GLCCI1: variants seen among roughly 807,000 people sequenced by gnomAD.
GLCCI1 encodes the protein glucocorticoid-induced transcript 1 protein.
Under a neutral mutation model 52.2 loss-of-function variants are expected in GLCCI1, and 24 were observed. That is an observed-to-expected ratio of 0.46 (90% CI 0.33 to 0.65). GLCCI1 has a LOEUF of 0.65. Ranked by LOEUF, GLCCI1 falls within the 30% of genes least tolerant of loss-of-function variation. GLCCI1 has a pLI of 0.02. For synonymous variants in GLCCI1, 310 were observed against 276.5 expected, an observed-to-expected ratio of 1.12 and a Z score of -1.20; for missense variants, 704 against 701.5, an observed-to-expected ratio of 1.00 and a Z score of -0.04.
intron 6 of GLCCI1, among the ~76,000 whole-genome samples, chr7:8,075,120 C>T (rs1398587857): frequency 6.6e-6 from 1 of 152,134 alleles, no homozygotes; most frequent in Non-Finnish European, 1.5e-5. Flanking sequence ...TAATTTGAGA[C>T]CTATAAAATA....
At chr7:7,972,522 G>C (rs1319543983) in intron 1 of GLCCI1, among the ~76,000 whole-genome samples, 1 of 152,106 alleles carries the variant, frequency 6.6e-6, no homozygotes, top group Non-Finnish European at 1.5e-5. Flanking sequence ...CATTTCATCT[G>C]GAGTGATGAT....
chr7:8,070,085 G>A (rs1174958542), intron 5 of GLCCI1: 2 of 152,244 alleles, frequency 1.3e-5, no homozygotes, highest in African/African-American at 4.8e-5. Context: ...GTCCACTGCA[G>A]CAGAATCTCT....
chr7:8,036,833 G>C (rs770513849), intron 3 of GLCCI1, among the ~76,000 whole-genome samples: 1 of 152,116 alleles, frequency 6.6e-6, no homozygotes, highest in South Asian at 2.1e-4. Context: ...GGTCCTGCAA[G>C]TTAATCCAGC....
intron 1 of GLCCI1, chr7:7,970,607 C>T (rs1780330552): frequency 6.6e-6 from 1 of 152,566 alleles, no homozygotes; most frequent in Non-Finnish European, 1.5e-5. Flanking sequence ...TCTCAAGTTT[C>T]TTTTTTTGTT....
intron 6 of GLCCI1, among the ~76,000 whole-genome samples, chr7:8,074,120 A>G (rs1476396168): frequency 6.6e-6 from 1 of 152,204 alleles, no homozygotes; most frequent in African/African-American, 2.4e-5. Context: ...CATTTATTGT[A>G]TGTCAGATAT....
chr7:7,969,379 C>G lies in GLCCI1; in HGVS notation c.29C>G (p.Ser10Cys), dbSNP rs1428505146. 8 of 1,482,938 alleles carry G rather than the reference C, an allele frequency of 5.4e-6. No homozygotes were observed. Among genetic ancestry groups the G allele is most frequent in the Non-Finnish European group, 7.2e-6 (8 of 1,118,110 alleles). 91.9% of individuals were successfully genotyped at this position (1,482,938 alleles called of 1,614,324 possible). The change falls in exon 1 of 8, where the codon TCC becomes TGC. Residue 10 changes from serine (S) to cysteine (C), a missense_variant. Around this residue, in one of 3 missense-constraint regions of GLCCI1, gnomAD observed 547 missense variants for 524.8 expected, o/e 1.04. Transcript: ENST00000223145. This position sits in a 1 kb window ranked among gnomAD's most constrained non-coding sequence, Gnocchi z 4.9. Reference protein sequence around the residue: MSTASSSSSSSSSQTPHPPS... With the variant: MSTASSSSSCSSSQTPHPPS... ...TCCACTGCCTCCTCCTCCTCCTCCTCCAGTTCCTCTCAGACCCCTCATCCC... is the reference window on the plus strand; with the variant it reads ...TCCACTGCCTCCTCCTCCTCCTCCTGCAGTTCCTCTCAGACCCCTCATCCC...
At chr7:7,985,299 C>T (rs749486563) in intron 1 of GLCCI1, among the ~76,000 whole-genome samples, 13 of 152,000 alleles carry the variant, frequency 8.6e-5, no homozygotes, top group Admixed American at 3.3e-4. Context: ...TAATAGCATG[C>T]GCACCCTAAA....
At chr7:7,994,221 T>C (rs538366829) in intron 1 of GLCCI1, among the ~76,000 whole-genome samples, 2 of 152,276 alleles carry the variant, frequency 1.3e-5, no homozygotes, top group South Asian at 4.2e-4. Context: ...ACCACTGCAC[T>C]CCAGCCTGGG....
At chr7:8,071,435 A>G (rs1024337086) in intron 6 of GLCCI1, among the ~76,000 whole-genome samples, 1 of 152,154 alleles carries the variant, frequency 6.6e-6, no homozygotes, top group African/African-American at 2.4e-5. Context: ...TCCAGAGCGG[A>G]TGATGGTTAT....
At chr7:8,023,576 ATC>A (rs1260032525) in intron 3 of GLCCI1, among the ~76,000 whole-genome samples, 17 of 96,988 alleles carry the variant, frequency 1.8e-4, no homozygotes, top group Middle Eastern at 7.1e-3. Context: ...TGGTCATCTA[ATC>A]TCTGTTATTC....
chr7:8,043,942 TA>T (rs1782060387), intron 3 of GLCCI1, among the ~76,000 whole-genome samples: 3 of 100,678 alleles, frequency 3.0e-5, no homozygotes, highest in African/African-American at 8.5e-5. Flanking sequence ...GTTGAAGCAC[TA>T]AATTTTTTTT....
At chr7:8,073,181 T>C (rs933324797) in intron 6 of GLCCI1, among the ~76,000 whole-genome samples, 3 of 152,114 alleles carry the variant, frequency 2.0e-5, no homozygotes, top group African/African-American at 7.2e-5. Flanking sequence ...CCTGGGAAGT[T>C]TTGGACATAA....
chr7:8,025,449 T>C (rs2127949815), intron 3 of GLCCI1, among the ~76,000 whole-genome samples: 1 of 152,228 alleles, frequency 6.6e-6, no homozygotes, highest in South Asian at 2.1e-4. Flanking sequence ...ATAAAAATGT[T>C]AGATGGGTTT....
intron 1 of GLCCI1, among the ~76,000 whole-genome samples, chr7:7,982,627 A>G (rs1487529266): frequency 6.6e-6 from 1 of 152,172 alleles, no homozygotes; most frequent in Admixed American, 6.5e-5. Context: ...GAAGTCCCCT[A>G]AGAACCCTCT....
At chr7:8,017,220 T>G (rs1015342260) in intron 2 of GLCCI1, among the ~76,000 whole-genome samples, 2 of 152,194 alleles carry the variant, frequency 1.3e-5, no homozygotes, top group Admixed American at 6.5e-5. Context: ...CAGTGGGTGT[T>G]TTTTAGAATG....
Position 8,039,718 on chromosome 7 carries a change from C to T in GLCCI1, c.697-15715C>T, listed in dbSNP as rs76620792. 8.7e-3 allele frequency among the ~76,000 whole-genome samples: 1,320 copies of T among 152,264 alleles called. 6 individuals carry two copies. The highest frequency in any genetic ancestry group is 0.013 in the Non-Finnish European group (883 of 68,010). On this transcript the variant is annotated intron_variant, in intron 3 of 7. Transcript: ENST00000223145. ...TTCCACTAAAAGCCCAGACTTCAGC[C>T]GGGCGCAGTGGCCCACGCCTGTAAT...
chr7:8,083,351 C>T (rs1419058293), intron 6 of GLCCI1, among the ~76,000 whole-genome samples: 1 of 151,872 alleles, frequency 6.6e-6, no homozygotes, highest in Admixed American at 6.6e-5. Flanking sequence ...AAATTTGAGG[C>T]CTTATTCTCA....
intron 2 of GLCCI1, among the ~76,000 whole-genome samples, chr7:8,014,506 G>A (rs562454274): frequency 1.3e-5 from 2 of 152,192 alleles, no homozygotes; most frequent in East Asian, 3.9e-4. Context: ...TTCTATATTT[G>A]TTTATTATTC....
intron 6 of GLCCI1, among the ~76,000 whole-genome samples, chr7:8,081,590 TAC>T: frequency 6.6e-6 from 1 of 152,284 alleles, no homozygotes; most frequent in African/African-American, 2.4e-5. Context: ...CCCCACAATA[TAC>T]CAGATATAAT....
Sources: gnomAD v4.1 joint callset for allele counts (sites outside exome capture counted in the v4.1 genomes callset) on GRCh38, gnomAD v4.1.1 for gene constraint, gnomAD v4.1.1 regional missense constraint, Gnocchi (gnomAD v3.1) non-coding constraint, MANE v1.5 for transcripts, NCBI Gene and HGNC (gene_info 2026-07-23, HGNC 2026-07-21) for gene names.